PCDHGA2: variants seen among roughly 807,000 people sequenced by gnomAD.
The protein encoded by PCDHGA2 is protocadherin gamma subfamily A, 2, also known as protocadherin gamma-A2.
In PCDHGA2, 40 loss-of-function variants were observed where a neutral mutation model predicts 59.2. The ratio of observed to expected loss-of-function variants is 0.68; its 90% CI spans 0.52 to 0.88. PCDHGA2 has a LOEUF of 0.88. Ranked by LOEUF, PCDHGA2 falls within the 40% of genes least tolerant of loss-of-function variation. The probability of loss-of-function intolerance (pLI) is 0.00; values close to 1 mark genes in which losing one functional copy is unlikely to be tolerated. For synonymous variants in PCDHGA2, 560 were observed against 526.0 expected, an observed-to-expected ratio of 1.06 and a Z score of -0.89; for missense variants, 1,226 against 1,204.0, an observed-to-expected ratio of 1.02 and a Z score of -0.27.
At chr5:141,452,017 C>T (rs181614467) in intron 1 of PCDHGA2, among the ~76,000 whole-genome samples, 10 of 152,344 alleles carry the variant, frequency 6.6e-5, no homozygotes, top group Non-Finnish European at 1.2e-4. Flanking sequence ...CCAGCCCACA[C>T]TCTGGGGAGA....
intron 1 of PCDHGA2, chr5:141,376,357 A>G: frequency 6.2e-7 from 1 of 1,614,012 alleles, no homozygotes; most frequent in Non-Finnish European, 8.5e-7. Context: ...ACGAGGTCTC[A>G]CTCACTGCAG....
chr5:141,498,930 C>T (rs2099786911), intron 2 of PCDHGA2, among the ~76,000 whole-genome samples: 1 of 121,364 alleles, frequency 8.2e-6, no homozygotes, highest in Non-Finnish European at 1.6e-5. Flanking sequence ...GAGACTCCAT[C>T]AGGAAAGAAA....
chr5:141,415,264 C>T, intron 1 of PCDHGA2: 3 of 1,614,210 alleles, frequency 1.9e-6, no homozygotes, highest in South Asian at 1.1e-5. Flanking sequence ...CACTCTGTAC[C>T]TGGTGGTAGC....
intron 1 of PCDHGA2, among the ~76,000 whole-genome samples, chr5:141,488,463 C>T (rs926068842): frequency 6.6e-6 from 1 of 152,164 alleles, no homozygotes; most frequent in African/African-American, 2.4e-5. Flanking sequence ...GATTCAGCCC[C>T]AGAAATGTTC....
chr5:141,340,580 A>C lies in PCDHGA2; in HGVS notation c.1609A>C (p.Ser537Arg). 2.5e-6 allele frequency: 4 copies of C among 1,614,224 alleles called. No individual in the cohort carries two copies. Among genetic ancestry groups the C allele is most frequent in the Non-Finnish European group, 2.5e-6 (3 of 1,180,028 alleles). The change falls in exon 1 of 4, where the codon AGC (serine) becomes CGC (arginine). Residue 537 changes from serine (S) to arginine (R), a missense_variant. Ser to Arg is a moderately radical substitution (Grantham distance 110). Coordinates refer to ENST00000394576, the MANE Select transcript of PCDHGA2 (RefSeq NM_018915.4). ...GCAAGTGTGGGTGATAGCGCGGGACAGCGGGAACCCTCCACTCAGTAGCAA... is the reference window on the plus strand; with the variant it reads ...GCAAGTGTGGGTGATAGCGCGGGACCGCGGGAACCCTCCACTCAGTAGCAA... ...DLQVWVIARDSGNPPLSSNVS... is the reference protein window; with the variant it reads ...DLQVWVIARDRGNPPLSSNVS...
rs755930967 is a variant in PCDHGA2, at chr5:141,388,629, G to C, written c.2424+47234G>C. On this transcript the variant is annotated intron_variant, in intron 1 of 3. Transcript: ENST00000394576. ...AGTGTTCAGTCAAGACGTATACAGG[G>C]TGAGCCTTTCAGAAAACGTGTACCC... 13 of 1,613,824 alleles carry C rather than the reference G, an allele frequency of 8.1e-6. No individual in the cohort carries two copies. Among genetic ancestry groups the C allele is most frequent in the African/African-American group, 1.3e-5 (1 of 74,914 alleles).
At chr5:141,388,251 A>G in intron 1 of PCDHGA2, 1 of 1,610,692 alleles carries the variant, frequency 6.2e-7, no homozygotes, top group Non-Finnish European at 8.5e-7. Flanking sequence ...GAATGTGGAG[A>G]TCGAGGACAT....
At chr5:141,410,886 C>A in intron 1 of PCDHGA2, 1 of 290,056 alleles carries the variant, frequency 3.4e-6, no homozygotes, top group Non-Finnish European at 5.6e-6. Flanking sequence ...TGGAGTCTCG[C>A]ACTGTTGCCT....
chr5:141,450,991 A>AT (rs1351194705), intron 1 of PCDHGA2, among the ~76,000 whole-genome samples: 1 of 150,700 alleles, frequency 6.6e-6, no homozygotes. Context: ...CACCCGGCTA[A>AT]TTTTTTTGTA....
At position 141,489,590 on chromosome 5, in the gene PCDHGA2, T is replaced by C; in HGVS notation, c.2425-5217T>C. The C allele has an allele frequency of 6.2e-7, 1 of 1,614,044 alleles. No homozygotes were observed. Among genetic ancestry groups the C allele is most frequent in the Non-Finnish European group, 8.5e-7 (1 of 1,179,984 alleles). ...GTGACTGAACACCCCCTGGAGCTAA[T>C]CCGTGTAGAGGTAGAGATCCTGGAT... On this transcript the variant is annotated intron_variant, in intron 1 of 3. Transcript: ENST00000394576. The surrounding 1 kb of genome is among the most constrained non-coding windows in gnomAD (Gnocchi z 4.5).
rs2099410057 is a variant in PCDHGA2, at chr5:141,477,370, G to C, written c.2425-17437G>C. The C allele has an allele frequency of 6.2e-7, 1 of 1,614,054 alleles. No homozygotes were observed. On this transcript the variant is annotated intron_variant, in intron 1 of 3. Coordinates refer to ENST00000394576, the MANE Select transcript of PCDHGA2 (RefSeq NM_018915.4). This position sits in a 1 kb window ranked among gnomAD's most constrained non-coding sequence, Gnocchi z 4.9. The stretch of plus-strand genomic sequence containing the variant: ...AAACCAGTGCAGACCTGGATCGGGA[G>C]ACTGTGCCAGAATACAACCTCAGCA...
intron 1 of PCDHGA2, among the ~76,000 whole-genome samples, chr5:141,443,191 A>G (rs2098371862): frequency 6.6e-6 from 1 of 152,122 alleles, no homozygotes; most frequent in Non-Finnish European, 1.5e-5. Flanking sequence ...CATTCTCTAT[A>G]GTACAAAGAG....
intron 1 of PCDHGA2, chr5:141,394,434 C>A (rs985055027): frequency 6.2e-7 from 1 of 1,614,248 alleles, no homozygotes; most frequent in East Asian, 2.2e-5. Flanking sequence ...CGGGGACCCG[C>A]CCCTCAGCAG....
rs775775135 is a variant in PCDHGA2 at position 141,400,234 on chromosome 5, G to GTTGCCTTGCGCCTCC, written c.2424+58840_2424+58841insTGCCTTGCGCCTCCT. The GTTGCCTTGCGCCTCC allele has an allele frequency of 3.1e-6, 5 of 1,613,868 alleles. No homozygotes were observed. In the East Asian group the frequency reaches 1.1e-4, roughly 36 times the overall value. On this transcript the variant is annotated intron_variant, in intron 1 of 3. Transcript: ENST00000394576. ...GATCTCAGTGCTCTTCCTCCTGGCC[G>GTTGCCTTGCGCCTCC]TGATTCTGGCCGTTGCCTTGCGCCT...
At chr5:141,420,208 A>G (rs1396340813) in intron 1 of PCDHGA2, 1 of 1,612,970 alleles carries the variant, frequency 6.2e-7, no homozygotes, top group Non-Finnish European at 8.5e-7. Flanking sequence ...ACCTCAACAA[A>G]GATAGCATGC....
chr5:141,365,043 A>G (rs1264854717), intron 1 of PCDHGA2: 5 of 1,613,814 alleles, frequency 3.1e-6, no homozygotes, highest in Non-Finnish European at 4.2e-6. Flanking sequence ...GCAAACGACA[A>G]TGCGCCCCTG....
At position 141,485,402 on chromosome 5, in the gene PCDHGA2, G is replaced by T. The variant is rs375700791; in HGVS notation, c.2425-9405G>T. ...AGAGGTGAACCAAAGACACTTCCGTGTGGATTTGGACAGCGGAGCCCTGCT... is the reference window on the plus strand; with the variant it reads ...AGAGGTGAACCAAAGACACTTCCGTTTGGATTTGGACAGCGGAGCCCTGCT... On this transcript the variant is annotated intron_variant, in intron 1 of 3. Coordinates refer to ENST00000394576, the MANE Select transcript of PCDHGA2 (RefSeq NM_018915.4). This position sits in a 1 kb window ranked among gnomAD's most constrained non-coding sequence, Gnocchi z 5.7. The T allele has an allele frequency of 6.2e-7, 1 of 1,614,194 alleles. No homozygotes were observed. Among genetic ancestry groups the T allele is most frequent in the East Asian group, 2.2e-5 (1 of 44,878 alleles).
chr5:141,431,582 G>A lies in PCDHGA2; in HGVS notation c.2425-63225G>A. On this transcript the variant is annotated intron_variant, in intron 1 of 3. Coordinates refer to ENST00000394576, the MANE Select transcript of PCDHGA2 (RefSeq NM_018915.4). The surrounding 1 kb of genome is among the most constrained non-coding windows in gnomAD (Gnocchi z 4.8). Reference sequence around the variant, plus strand: ...TACCGACCCTGACGAAGGAGTCAATGCGGAAGTGAGGTATTCCTTCCGGTA... The same window carrying A: ...TACCGACCCTGACGAAGGAGTCAATACGGAAGTGAGGTATTCCTTCCGGTA... The A allele has an allele frequency of 6.2e-7, 1 of 1,614,210 alleles. No homozygotes were observed. Among genetic ancestry groups the A allele is most frequent in the Non-Finnish European group, 8.5e-7 (1 of 1,180,036 alleles).
At chr5:141,442,466 A>T (rs1270035223) in intron 1 of PCDHGA2, 1 of 152,254 alleles carries the variant, frequency 6.6e-6, no homozygotes, top group African/African-American at 2.4e-5. Flanking sequence ...TTCACTGCAG[A>T]AAGCCCCTTG....
Sources: allele counts gnomAD v4.1 joint callset (sites outside exome capture counted in the v4.1 genomes callset), GRCh38; gene constraint gnomAD v4.1.1; non-coding constraint Gnocchi (gnomAD v3.1); transcripts MANE v1.5; gene names NCBI Gene and HGNC (gene_info 2026-07-23, HGNC 2026-07-21).